The following TENM3 variants were observed in gnomAD, a reference collection of about 807,000 sequenced individuals.
TENM3 encodes the protein teneurin-3.
In TENM3, 63 loss-of-function variants were observed where a neutral mutation model predicts 255.1. The ratio of observed to expected loss-of-function variants is 0.25; its 90% CI spans 0.20 to 0.30. The LOEUF (loss-of-function observed/expected upper bound fraction) is 0.30. Ranked by LOEUF, TENM3 falls within the 10% of genes least tolerant of loss-of-function variation. TENM3 has a pLI of 1.00. For missense variants in TENM3, 2,929 were observed against 3,461.1 expected (o/e 0.85, Z 3.86); for synonymous variants, 1,306 against 1,322.3 (o/e 0.99, Z 0.27).
At chr4:182,614,853 A>C (rs1749326115) in intron 4 of TENM3, among the ~76,000 whole-genome samples, 1 of 151,808 alleles carries the variant, frequency 6.6e-6, no homozygotes, top group African/African-American at 2.4e-5. Context: ...CTCCAACCTC[A>C]GTAAGAATTC....
chr4:182,420,973 G>GA (rs1037957184), intron 3 of TENM3, among the ~76,000 whole-genome samples: 31 of 150,904 alleles, frequency 2.1e-4, no homozygotes, highest in East Asian at 7.8e-4. Context: ...TCAGTGCAAA[G>GA]AAAAAAAAAG....
chr4:181,707,942 A>C, the TENM3 span, among the ~76,000 whole-genome samples: 1 of 152,230 alleles, frequency 6.6e-6, no homozygotes, highest in African/African-American at 2.4e-5. Flanking sequence ...AGAAGTGAAC[A>C]AATACATAAT....
the TENM3 span, among the ~76,000 whole-genome samples, chr4:181,795,475 G>C: frequency 1.2e-4 from 18 of 152,060 alleles, no homozygotes; most frequent in Admixed American, 1.2e-3. Flanking sequence ...GGTTATTTGG[G>C]CTTCAATATA....
intron 3 of TENM3, among the ~76,000 whole-genome samples, chr4:182,550,239 C>T (rs71620932): frequency 0.3 from 45,427 of 152,018 alleles, 7,156 homozygotes; most frequent in Non-Finnish European, 0.34. Flanking sequence ...TATGTATGTA[C>T]GTTGATTTAC....
chr4:181,620,423 C>CT, the TENM3 span, among the ~76,000 whole-genome samples: 6 of 152,218 alleles, frequency 3.9e-5, no homozygotes, highest in South Asian at 1.0e-3. Context: ...GGTTGGCTCT[C>CT]TTTATACACG....
chr4:182,387,765 G>A (rs996384284), intron 3 of TENM3, among the ~76,000 whole-genome samples: 2 of 151,380 alleles, frequency 1.3e-5, no homozygotes, highest in African/African-American at 4.9e-5. Context: ...CCACCAGAAG[G>A]AAAAAACTCC....
At chr4:182,505,966 A>C (rs988723041) in intron 3 of TENM3, among the ~76,000 whole-genome samples, 1 of 152,240 alleles carries the variant, frequency 6.6e-6, no homozygotes, top group Non-Finnish European at 1.5e-5. Flanking sequence ...TGAGTGTGAA[A>C]TAAACTTAAA....
chr4:182,622,291 G>A (rs890681253), intron 4 of TENM3, among the ~76,000 whole-genome samples: 6 of 148,936 alleles, frequency 4.0e-5, no homozygotes, highest in Middle Eastern at 3.4e-3. Context: ...AGGTTGCAGT[G>A]AGCCGAGATC....
At chr4:181,467,148 T>TTTGGG in the TENM3 span, among the ~76,000 whole-genome samples, 4 of 109,198 alleles carry the variant, frequency 3.7e-5, no homozygotes, top group African/African-American at 1.2e-4. Flanking sequence ...TTTTTTTTTT[T>TTTGGG]AGGCAGAGTC....
the TENM3 span, among the ~76,000 whole-genome samples, chr4:182,056,003 A>G: frequency 6.6e-6 from 1 of 152,148 alleles, no homozygotes; most frequent in African/African-American, 2.4e-5. Flanking sequence ...GGTTTTATAA[A>G]AGAACAGTGT....
chr4:182,362,100 G>A (rs1177892004), intron 3 of TENM3, among the ~76,000 whole-genome samples: 6 of 152,108 alleles, frequency 3.9e-5, no homozygotes, highest in East Asian at 1.9e-4. Flanking sequence ...AGGAGTACCC[G>A]GCCGTTTGAG....
the TENM3 span, among the ~76,000 whole-genome samples, chr4:181,577,187 ATT>A: frequency 7.9e-6 from 1 of 127,024 alleles, no homozygotes; most frequent in Non-Finnish European, 1.6e-5. Flanking sequence ...TATATTATAT[ATT>A]ATATATATTA....
rs1381893996 is a variant in TENM3 at position 182,155,072 on chromosome 4, G to T, written c.-76+10318G>T. Among the ~76,000 whole-genome samples the T allele has an allele frequency of 2.0e-5, 3 of 152,176 alleles. No homozygotes were observed. The East Asian group carries it at 5.8e-4, about 29-fold the overall frequency. ...GTTTATATCAGTTCTCATTTAGTCA[G>T]CGTCAATCAAATACAAGACAATTGG... On this transcript the variant is annotated intron_variant, in intron 1 of 2. Coordinates refer to the TENM3 transcript ENST00000512480.
At chr4:182,684,265 A>T (rs879473445) in intron 11 of TENM3, among the ~76,000 whole-genome samples, 4 of 151,416 alleles carry the variant, frequency 2.6e-5, no homozygotes, top group Non-Finnish European at 4.4e-5. Context: ...GTGTTGAGTG[A>T]ATAAAAACAT....
At chr4:182,700,677 G>C (rs1757781640) in intron 12 of TENM3, among the ~76,000 whole-genome samples, 1 of 152,094 alleles carries the variant, frequency 6.6e-6, no homozygotes, top group Non-Finnish European at 1.5e-5. Context: ...AGTCAAAGGA[G>C]GTCCATAAAT....
chr4:182,611,023 A>G (rs995708349), intron 4 of TENM3, among the ~76,000 whole-genome samples: 3 of 151,718 alleles, frequency 2.0e-5, no homozygotes, highest in East Asian at 1.9e-4. Context: ...TTGTGATTAT[A>G]GGCATGAGCC....
At chr4:182,661,007 T>C (rs1754178385) in intron 6 of TENM3, among the ~76,000 whole-genome samples, 1 of 152,080 alleles carries the variant, frequency 6.6e-6, no homozygotes, top group Non-Finnish European at 1.5e-5. Context: ...TAATTTAGGA[T>C]AATAAAGACT....
the TENM3 span, among the ~76,000 whole-genome samples, chr4:181,567,011 A>G: frequency 2.0e-5 from 3 of 152,208 alleles, no homozygotes; most frequent in African/African-American, 4.8e-5. Flanking sequence ...TTACCTGGGC[A>G]TGAAGTCATT....
chr4:182,354,880 A>G (rs1048205445), intron 3 of TENM3, among the ~76,000 whole-genome samples: 7 of 152,220 alleles, frequency 4.6e-5, no homozygotes, highest in African/African-American at 1.7e-4. Flanking sequence ...AACTTATTGA[A>G]TAGATTTCTT....
Sources: allele counts gnomAD v4.1 joint callset (sites outside exome capture counted in the v4.1 genomes callset), GRCh38; gene constraint gnomAD v4.1.1; transcripts MANE v1.5; gene names NCBI Gene and HGNC (gene_info 2026-07-23, HGNC 2026-07-21).